Variants in PRKCI observed in about 807,000 individuals in gnomAD.
The protein encoded by PRKCI is protein kinase C iota type.
Under a neutral mutation model 84.0 loss-of-function variants are expected in PRKCI, and 43 were observed. That is an observed-to-expected ratio of 0.51 (90% CI 0.40 to 0.66). The LOEUF is 0.66. PRKCI is among the 30% of genes least tolerant of loss of function. The pLI, the probability that PRKCI is intolerant of heterozygous loss-of-function variation, is 0.00. For synonymous variants in PRKCI, 216 were observed against 234.4 expected (o/e 0.92, Z 0.72); for missense variants, 459 against 745.6 (o/e 0.62, Z 4.48).
intron 2 of PRKCI, among the ~76,000 whole-genome samples, chr3:170,236,600 C>T (rs990330927): frequency 5.3e-5 from 8 of 152,190 alleles, no homozygotes; most frequent in Admixed American, 2.0e-4. Flanking sequence ...TGTAGGCTTA[C>T]GCCTGTAATC....
At chr3:170,245,956 T>TTTG (rs200394334) in intron 2 of PRKCI, among the ~76,000 whole-genome samples, 2,292 of 144,930 alleles carry the variant, frequency 0.016, 46 homozygotes, top group East Asian at 0.082. Context: ...TTTGTTTTTT[T>TTTG]TTTTTTTTTT....
chr3:170,276,454 CTT>C (rs144477921), intron 8 of PRKCI, among the ~76,000 whole-genome samples: 3 of 149,232 alleles, frequency 2.0e-5, no homozygotes, highest in African/African-American at 7.4e-5. Context: ...TTCTTTTTAA[CTT>C]TTTTTTTTCT....
At chr3:170,277,507 A>G (rs755266962) in intron 8 of PRKCI, among the ~76,000 whole-genome samples, 16 of 152,262 alleles carry the variant, frequency 1.1e-4, no homozygotes, top group Non-Finnish European at 2.1e-4. Flanking sequence ...GTTCAAGAGC[A>G]GCCTAGGCAA....
intron 13 of PRKCI, among the ~76,000 whole-genome samples, chr3:170,292,689 G>A (rs1248105666): frequency 1.4e-5 from 2 of 142,968 alleles, no homozygotes; most frequent in African/African-American, 2.6e-5. Flanking sequence ...CAGCCTGGGC[G>A]ACAGAGTGAA....
chr3:170,242,421 A>G (rs761503106), intron 2 of PRKCI, among the ~76,000 whole-genome samples: 14 of 148,892 alleles, frequency 9.4e-5, no homozygotes, highest in Non-Finnish European at 1.0e-4. Flanking sequence ...AGCCTGGACC[A>G]CAGAGTGAGA....
At chr3:170,233,641 A>C (rs1732860858) in intron 1 of PRKCI, among the ~76,000 whole-genome samples, 1 of 152,162 alleles carries the variant, frequency 6.6e-6, no homozygotes, top group Non-Finnish European at 1.5e-5. Flanking sequence ...AACTCCCTTG[A>C]ATGTTTTAGT....
rs1361108822 is a variant in PRKCI at position 170,270,464 on chromosome 3, G to A, written c.494G>A (p.Gly165Glu). The A allele has an allele frequency of 6.2e-7, 1 of 1,613,524 alleles. No individual in the cohort carries two copies. Among genetic ancestry groups the A allele is most frequent in the Non-Finnish European group, 8.5e-7 (1 of 1,179,864 alleles). The change falls in exon 6 of 18, where the codon GGA becomes GAA. Residue 165 changes from glycine (G) to glutamate (E), a missense_variant. Around this residue, in one of 2 missense-constraint regions of PRKCI, gnomAD observed 250 missense variants for 319.7 expected, o/e 0.78. Transcript: ENST00000295797. ...TGCACAGACCGAATATGGGGACTTG[G>A]ACGCCAAGGATATAAGTGCATCAAC... ...AICTDRIWGL[G>E]RQGYKCINCK... is the part of the protein sequence containing the mutation.
At chr3:170,248,379 GGA>G (rs199625018) in intron 2 of PRKCI, among the ~76,000 whole-genome samples, 4,462 of 133,296 alleles carry the variant, frequency 0.033, 202 homozygotes, top group African/African-American at 0.11. Context: ...ATTGGGGGGG[GGA>G]AAAAACCTGC....
intron 1 of PRKCI, among the ~76,000 whole-genome samples, chr3:170,233,895 A>G (rs1396238925): frequency 6.6e-6 from 1 of 150,784 alleles, no homozygotes; most frequent in Non-Finnish European, 1.5e-5. Flanking sequence ...TAATTTTTGT[A>G]TTTTTAGTAG....
chr3:170,281,665 T>C, intron 10 of PRKCI: 1 of 519,358 alleles, frequency 1.9e-6, no homozygotes, highest in African/African-American at 2.0e-5. Flanking sequence ...GTGGTACTAC[T>C]TTAGAACAGA....
At chr3:170,289,957 C>T (rs1256609860) in intron 12 of PRKCI, among the ~76,000 whole-genome samples, 1 of 151,828 alleles carries the variant, frequency 6.6e-6, no homozygotes, top group Non-Finnish European at 1.5e-5. Context: ...CCTGTAATCC[C>T]AGCTACTTGG....
At chr3:170,302,726 TG>T (rs1233140960) in intron 17 of PRKCI, among the ~76,000 whole-genome samples, 2 of 152,214 alleles carry the variant, frequency 1.3e-5, no homozygotes, top group Non-Finnish European at 2.9e-5. Context: ...GATGTTCACC[TG>T]TAACTAGGAA....
At chr3:170,276,379 C>T (rs888662469) in intron 8 of PRKCI, among the ~76,000 whole-genome samples, 2 of 152,092 alleles carry the variant, frequency 1.3e-5, no homozygotes. Context: ...TTGAAGAAAC[C>T]TGTTAGTCAC....
chr3:170,275,364 T>C, intron 8 of PRKCI, 77 bp downstream of exon 8: 1 of 1,394,692 alleles, frequency 7.2e-7, no homozygotes, highest in Non-Finnish European at 9.6e-7. Flanking sequence ...TATGACATAT[T>C]GACCTGCTTA....
At chr3:170,238,859 G>A (rs1359582264) in intron 2 of PRKCI, among the ~76,000 whole-genome samples, 4 of 151,906 alleles carry the variant, frequency 2.6e-5, no homozygotes, top group African/African-American at 9.7e-5. Flanking sequence ...CCAAAGTGCT[G>A]GGATTACAGG....
chr3:170,231,978 G>C (rs1732805662), intron 1 of PRKCI, among the ~76,000 whole-genome samples: 1 of 152,054 alleles, frequency 6.6e-6, no homozygotes, highest in Non-Finnish European at 1.5e-5. Context: ...CTGGGTGACA[G>C]AGCGAGACTC....
chr3:170,261,919 A>G (rs1560175255), intron 3 of PRKCI, among the ~76,000 whole-genome samples: 1 of 152,250 alleles, frequency 6.6e-6, no homozygotes, highest in East Asian at 1.9e-4. Flanking sequence ...CAATGAATGC[A>G]TAAAGAAGTG....
intron 6 of PRKCI, 106 bp downstream of exon 6, chr3:170,270,667 C>A: frequency 7.6e-7 from 1 of 1,318,624 alleles, no homozygotes; most frequent in Non-Finnish European, 1.0e-6. Flanking sequence ...TACAGCACAA[C>A]AGAGTAGCTA....
intron 8 of PRKCI, among the ~76,000 whole-genome samples, chr3:170,277,921 C>G (rs888836535): frequency 2.6e-5 from 4 of 152,142 alleles, no homozygotes; most frequent in Admixed American, 2.6e-4. Flanking sequence ...CTTCCTACGT[C>G]TGTTCCTCCA....
Sources: allele counts gnomAD v4.1 joint callset (sites outside exome capture counted in the v4.1 genomes callset), GRCh38; gene constraint gnomAD v4.1.1; regional missense constraint gnomAD v4.1.1; transcripts MANE v1.5; gene names NCBI Gene and HGNC (gene_info 2026-07-23, HGNC 2026-07-21).